Variants in WNT7A observed in about 807,000 individuals in gnomAD.
WNT7A encodes protein Wnt-7a.
In WNT7A, 16 loss-of-function variants were observed where a neutral mutation model predicts 28.2. The ratio of observed to expected loss-of-function variants is 0.57; its 90% CI spans 0.38 to 0.86. WNT7A has a LOEUF of 0.86. Among genes scored for constraint, WNT7A ranks in the 40% least tolerant of loss-of-function variants. The pLI is 0.00. For synonymous variants in WNT7A, 190 were observed against 195.9 expected (o/e 0.97, Z 0.25); for missense variants, 411 against 489.7 (o/e 0.84, Z 1.52).
chr3:13,824,238 G>A (rs1042638926), intron 3 of WNT7A, among the ~76,000 whole-genome samples: 3 of 152,110 alleles, frequency 2.0e-5, no homozygotes, highest in African/African-American at 7.2e-5. Context: ...CATACCCATT[G>A]CAGTCATTCC....
At chr3:13,867,434 C>T (rs1694928923) in intron 2 of WNT7A, among the ~76,000 whole-genome samples, 1 of 152,154 alleles carries the variant, frequency 6.6e-6, no homozygotes, top group African/African-American at 2.4e-5. Context: ...TTCAGCTCTG[C>T]CACAAAACAG....
At chr3:13,867,334 G>T (rs1210236746) in intron 2 of WNT7A, among the ~76,000 whole-genome samples, 3 of 152,092 alleles carry the variant, frequency 2.0e-5, no homozygotes, top group African/African-American at 7.2e-5. Context: ...GCAAGACAAG[G>T]GGTTCTCAAA....
intron 3 of WNT7A, among the ~76,000 whole-genome samples, chr3:13,841,562 C>T (rs763519669): frequency 1.3e-5 from 2 of 152,102 alleles, no homozygotes; most frequent in Non-Finnish European, 1.5e-5. Flanking sequence ...GGAATTCATG[C>T]GTATGAAGTA....
chr3:13,825,853 C>G (rs1167082765), intron 3 of WNT7A, among the ~76,000 whole-genome samples: 1 of 152,264 alleles, frequency 6.6e-6, no homozygotes, highest in Non-Finnish European at 1.5e-5. Flanking sequence ...TGCTCCTCCT[C>G]TTCCCCTTTA....
intron 3 of WNT7A, among the ~76,000 whole-genome samples, chr3:13,844,023 A>G (rs919847150): frequency 6.6e-6 from 1 of 152,182 alleles, no homozygotes; most frequent in Non-Finnish European, 1.5e-5. Flanking sequence ...CTGGGATTAT[A>G]GGCGGGAGCC....
At chr3:13,854,930 GTTCCT>G (rs1694706080) in intron 2 of WNT7A, 127 bp from the exon 3 acceptor site, 2 of 1,273,708 alleles carry the variant, frequency 1.6e-6, no homozygotes, top group Non-Finnish European at 2.2e-6. Flanking sequence ...CTGAGTACCC[GTTCCT>G]AACTTCCAAC....
chr3:13,821,491 T>C (rs1297632553), intron 3 of WNT7A, among the ~76,000 whole-genome samples: 2 of 152,236 alleles, frequency 1.3e-5, no homozygotes, highest in Non-Finnish European at 2.9e-5. Context: ...CACAGCAATG[T>C]TCATAATCGC....
rs1024699761 is a variant in WNT7A at position 13,817,079 on chromosome 3, G to T, written c.*1865C>A. 9.2e-5 allele frequency: 14 copies of T among 152,304 alleles called. No individual in the cohort carries two copies. Among genetic ancestry groups the T allele is most frequent in the African/African-American group, 3.1e-4 (13 of 41,462 alleles). 9.4% of individuals were successfully genotyped at this position (152,304 alleles called of 1,614,324 possible). A position where few individuals can be genotyped will look rare whatever the true frequency, so the allele number is the denominator to read the frequency against. ...CTAGATACTGAAGGGCTCCCAGCAG[G>T]TGGGGCCATGGGGCTGTGCTGTGGT... On this transcript the variant is annotated 3_prime_UTR_variant, in exon 4 of 4. Coordinates refer to ENST00000285018, the MANE Select transcript of WNT7A (RefSeq NM_004625.4).
At chr3:13,870,339 G>C (rs1330073793) in intron 2 of WNT7A, among the ~76,000 whole-genome samples, 2 of 152,206 alleles carry the variant, frequency 1.3e-5, no homozygotes, top group South Asian at 2.1e-4. Context: ...CAAGGGGAAA[G>C]GCCATGTGAG....
chr3:13,875,275 G>A, intron 1 of WNT7A, 102 bp from the exon 2 acceptor site: 1 of 1,247,612 alleles, frequency 8.0e-7, no homozygotes, highest in Non-Finnish European at 1.1e-6. Flanking sequence ...ACTGCCCCCA[G>A]CAGTGGTCTC....
chr3:13,861,696 C>T (rs1034111290), intron 2 of WNT7A, among the ~76,000 whole-genome samples: 7 of 152,084 alleles, frequency 4.6e-5, no homozygotes, highest in African/African-American at 9.7e-5. Flanking sequence ...AGGGCGGCAC[C>T]GGAGGAGGTG....
rs1694070967 is a variant in WNT7A at position 13,819,244 on chromosome 3, G to A, written c.750C>T (p.Thr250=). Residue 250 remains threonine (T), a synonymous_variant, in exon 4 of 4, where the codon ACC becomes ACT. Coordinates refer to ENST00000285018, the MANE Select transcript of WNT7A (RefSeq NM_004625.4). ...ACAGTGGCTTCTTGATCTTCAGGAA[G>A]GTGGGCCGCTTGTTGCGGCTGGCAC... is the stretch of plus-strand genomic sequence containing the variant. The part of the protein sequence containing the change: ...PVRASRNKRP[T]FLKIKKPLSY... The A allele has an allele frequency of 6.2e-7, 1 of 1,614,158 alleles. No individual in the cohort carries two copies.
chr3:13,820,049 C>T (rs572107181), intron 3 of WNT7A, among the ~76,000 whole-genome samples: 19 of 152,262 alleles, frequency 1.2e-4, no homozygotes, highest in African/African-American at 4.6e-4. Context: ...TTCTTCCTTC[C>T]TTCCTCCCTC....
intron 3 of WNT7A, 55 bp from the exon 4 acceptor site, chr3:13,819,478 G>A: frequency 6.3e-7 from 1 of 1,587,574 alleles, no homozygotes; most frequent in Non-Finnish European, 8.5e-7. Flanking sequence ...CCAAGGCCAA[G>A]TGCAGCCCCC....
intron 3 of WNT7A, among the ~76,000 whole-genome samples, chr3:13,846,200 C>A (rs1694535204): frequency 6.6e-6 from 1 of 152,258 alleles, no homozygotes; most frequent in African/African-American, 2.4e-5. Context: ...ACCCACAACC[C>A]AAATGACCAC....
Position 13,832,174 on chromosome 3 carries a change from A to G in WNT7A, c.571-12751T>C, listed in dbSNP as rs142715612. Reference sequence around the variant, plus strand: ...CTCCTGCTCCCCCTCCTCCTCCTCAAGATCCTCCTGCTCTTCCTCCTGCTC... The same window carrying G: ...CTCCTGCTCCCCCTCCTCCTCCTCAGGATCCTCCTGCTCTTCCTCCTGCTC... On this transcript the variant is annotated intron_variant, in intron 3 of 3. Transcript: ENST00000285018. Among the ~76,000 whole-genome samples, 800 of 97,190 alleles carry G rather than the reference A, an allele frequency of 8.2e-3. 10 individuals are homozygous for G. The highest frequency in any genetic ancestry group is 0.029 in the African/African-American group (714 of 24,226). The allele number at this position is 97,190 out of a possible 152,430, so 63.8% of individuals were successfully genotyped here.
intron 1 of WNT7A, 27 bp from the exon 2 acceptor site, chr3:13,875,200 A>T: frequency 6.8e-6 from 11 of 1,612,612 alleles, no homozygotes; most frequent in Non-Finnish European, 9.3e-6. Flanking sequence ...AGAGAGATGG[A>T]GCATTAGGCC....
At chr3:13,831,745 G>A (rs1263470414) in intron 3 of WNT7A, among the ~76,000 whole-genome samples, 1 of 152,102 alleles carries the variant, frequency 6.6e-6, no homozygotes, top group Non-Finnish European at 1.5e-5. Context: ...CCATCTCCCT[G>A]CCTCCATGGG....
At chr3:13,836,133 T>G (rs1477450450) in intron 3 of WNT7A, among the ~76,000 whole-genome samples, 6 of 151,368 alleles carry the variant, frequency 4.0e-5, no homozygotes, top group Non-Finnish European at 8.8e-5. Flanking sequence ...CTAAAAACCT[T>G]GGACTTGTAC....
Sources: gnomAD v4.1 joint callset for allele counts (sites outside exome capture counted in the v4.1 genomes callset) on GRCh38, gnomAD v4.1.1 for gene constraint, MANE v1.5 for transcripts, NCBI Gene and HGNC (gene_info 2026-07-23, HGNC 2026-07-21) for gene names.